HOOK3: variants seen among roughly 807,000 people sequenced by gnomAD.
HOOK3 encodes the protein hook microtubule tethering protein 3.
HOOK3 carries 24 observed loss-of-function variants against 116.3 expected under a neutral mutation model. That is an observed-to-expected ratio of 0.21 (90% CI 0.15 to 0.29). HOOK3 has a LOEUF of 0.29. Ranked by LOEUF, HOOK3 falls within the 10% of genes least tolerant of loss-of-function variation. The pLI is 1.00. For synonymous variants in HOOK3, 275 were observed against 283.0 expected (o/e 0.97, Z 0.28); for missense variants, 632 against 830.2 (o/e 0.76, Z 2.93).
chr8:42,897,245 C>T, intron 1 of HOOK3, 57 bp downstream of exon 1: 19 of 1,156,878 alleles, frequency 1.6e-5, no homozygotes, highest in Non-Finnish European at 2.1e-5. Flanking sequence ...CCTACCGGGA[C>T]CCTCCACGCG....
At chr8:42,993,277 T>TA (rs1242068367) in intron 15 of HOOK3, among the ~76,000 whole-genome samples, 2 of 152,206 alleles carry the variant, frequency 1.3e-5, no homozygotes, top group Non-Finnish European at 2.9e-5. Flanking sequence ...TATATATATA[T>TA]TTTTAAGACA....
chr8:42,904,615 C>G (rs1214120930), intron 1 of HOOK3, among the ~76,000 whole-genome samples: 1 of 152,024 alleles, frequency 6.6e-6, no homozygotes, highest in Non-Finnish European at 1.5e-5. Flanking sequence ...CCGGCCAGAT[C>G]TTATATTAAT....
At chr8:42,987,967 G>A (rs961942974) in intron 15 of HOOK3, among the ~76,000 whole-genome samples, 3 of 152,058 alleles carry the variant, frequency 2.0e-5, no homozygotes, top group Non-Finnish European at 4.4e-5. Flanking sequence ...TTGAGTGATT[G>A]ATTTGGCTTC....
intron 2 of HOOK3, among the ~76,000 whole-genome samples, chr8:42,917,161 T>G (rs1807548782): frequency 6.6e-6 from 1 of 152,148 alleles, no homozygotes; most frequent in African/African-American, 2.4e-5. Flanking sequence ...ATGATACAGC[T>G]TGGTAACAGC....
intron 7 of HOOK3, among the ~76,000 whole-genome samples, chr8:42,958,333 C>G (rs1808472711): frequency 6.6e-6 from 1 of 151,972 alleles, no homozygotes; most frequent in South Asian, 2.1e-4. Flanking sequence ...ATCTACCACA[C>G]AGAGGTTTGG....
rs1198134128 is a variant in HOOK3 at position 43,020,437 on chromosome 8, G to A, written c.*1939G>A. The stretch of plus-strand genomic sequence containing the variant: ...CTATTTTTAAAGCAAATTGGGGCCA[G>A]ACGTGGTGCCTCACGCCTGCAATCT... On this transcript the variant is annotated 3_prime_UTR_variant, in exon 22 of 22. Transcript: ENST00000307602. The A allele has an allele frequency of 1.1e-5, 2 of 188,340 alleles. No homozygotes were observed. Among genetic ancestry groups the A allele is most frequent in the Non-Finnish European group, 2.2e-5 (2 of 89,534 alleles). 11.7% of individuals were successfully genotyped at this position (188,340 alleles called of 1,614,324 possible). A position where few individuals can be genotyped will look rare whatever the true frequency, so the allele number is the denominator to read the frequency against.
At chr8:42,959,545 C>A (rs933740626) in intron 8 of HOOK3, among the ~76,000 whole-genome samples, 5 of 151,534 alleles carry the variant, frequency 3.3e-5, no homozygotes, top group Non-Finnish European at 5.9e-5. Flanking sequence ...ATGGTGAAAC[C>A]CCATCTCTAC....
At chr8:43,010,439 C>T (rs1809583314) in intron 19 of HOOK3, 34 bp downstream of exon 19, 1 of 739,356 alleles carries the variant, frequency 1.4e-6, no homozygotes, top group African/African-American at 1.9e-5. Context: ...CTCACTCTAC[C>T]TTCTGATCAC....
At chr8:42,931,049 C>A (rs1807862948) in intron 4 of HOOK3, among the ~76,000 whole-genome samples, 1 of 152,220 alleles carries the variant, frequency 6.6e-6, no homozygotes, top group African/African-American at 2.4e-5. Context: ...ATCATATCCA[C>A]ATTCTTACCA....
At chr8:42,918,932 G>T (rs1807586825) in intron 2 of HOOK3, among the ~76,000 whole-genome samples, 1 of 152,230 alleles carries the variant, frequency 6.6e-6, no homozygotes, top group African/African-American at 2.4e-5. Flanking sequence ...GAGCTGTTGG[G>T]TACACCTCCC....
intron 5 of HOOK3, among the ~76,000 whole-genome samples, chr8:42,949,980 A>AG (rs1186014125): frequency 1.3e-5 from 2 of 152,188 alleles, no homozygotes; most frequent in Non-Finnish European, 2.9e-5. Flanking sequence ...ATAAAAATAA[A>AG]GCACAGAGTT....
At chr8:43,012,947 C>T (rs1447700480) in intron 19 of HOOK3, 104 bp from the exon 20 acceptor site, 1 of 749,178 alleles carries the variant, frequency 1.3e-6, no homozygotes, top group Non-Finnish European at 2.1e-6. Context: ...TTTGATTTTT[C>T]ATAAGTTTAT....
At chr8:42,915,571 A>G (rs1807517339) in intron 2 of HOOK3, among the ~76,000 whole-genome samples, 2 of 152,096 alleles carry the variant, frequency 1.3e-5, no homozygotes, top group Non-Finnish European at 2.9e-5. Context: ...AGCTGGGATT[A>G]CAGGTGCCCA....
chr8:42,908,533 A>G (rs1807359365), intron 2 of HOOK3, among the ~76,000 whole-genome samples: 2 of 152,250 alleles, frequency 1.3e-5, no homozygotes, highest in Admixed American at 6.5e-5. Context: ...GATTTTCCAC[A>G]AAGGTGCCAC....
At chr8:42,940,561 AT>A (rs1210757108) in intron 4 of HOOK3, among the ~76,000 whole-genome samples, 2 of 152,192 alleles carry the variant, frequency 1.3e-5, no homozygotes, top group African/African-American at 2.4e-5. Context: ...TTCTTTAGTA[AT>A]GTTGAATATT....
intron 4 of HOOK3, among the ~76,000 whole-genome samples, chr8:42,938,217 CT>C (rs145868661): frequency 0.18 from 24,319 of 132,120 alleles, 2,112 homozygotes; most frequent in African/African-American, 0.31. Flanking sequence ...GCAACCCCTG[CT>C]TTTTTTTTTT....
rs190033048 is a variant in HOOK3, at chr8:42,952,463, G to T, written c.468+2008G>T. 2.6e-5 allele frequency among the ~76,000 whole-genome samples: 4 copies of T among 152,248 alleles called. No homozygotes were observed. The East Asian group carries it at 7.7e-4, about 29-fold the overall frequency. On this transcript the variant is annotated intron_variant, in intron 6 of 21. Transcript: ENST00000307602. ...TTCTTTGTTGGGGTTTCATTACATG[G>T]GTATGTTTGATTGAATCAGTGACCA...
intron 11 of HOOK3, 73 bp from the exon 12 acceptor site, chr8:42,973,216 A>C (rs1808757667): frequency 6.7e-7 from 1 of 1,500,318 alleles, no homozygotes; most frequent in African/African-American, 1.4e-5. Context: ...GTTTTCTTAA[A>C]CCTGTAGAAG....
At chr8:42,945,328 G>A (rs189745304) in intron 5 of HOOK3, among the ~76,000 whole-genome samples, 169 of 151,356 alleles carry the variant, frequency 1.1e-3, no homozygotes, top group African/African-American at 4.0e-3. Flanking sequence ...TTATTTTTTC[G>A]AGATGGAGTC....
Sources: allele counts gnomAD v4.1 joint callset (sites outside exome capture counted in the v4.1 genomes callset), GRCh38; gene constraint gnomAD v4.1.1; transcripts MANE v1.5; gene names NCBI Gene and HGNC (gene_info 2026-07-23, HGNC 2026-07-21).